Variants in CRACR2A observed in about 807,000 individuals in gnomAD.
The protein encoded by CRACR2A is calcium release activated channel regulator 2A.
Under a neutral mutation model 90.5 loss-of-function variants are expected in CRACR2A, and 79 were observed. The ratio of observed to expected loss-of-function variants is 0.87; its 90% CI spans 0.73 to 1.05. The LOEUF (loss-of-function observed/expected upper bound fraction) is 1.05, where lower values mean the gene tolerates loss of function less well. CRACR2A is among the 50% of genes least tolerant of loss of function. The pLI is 0.00. For synonymous variants in CRACR2A, 338 were observed against 356.7 expected, an observed-to-expected ratio of 0.95 and a Z score of 0.59; for missense variants, 823 against 897.2, an observed-to-expected ratio of 0.92 and a Z score of 1.06.
chr12:3,707,508 C>T (rs1945945874), intron 3 of CRACR2A, among the ~76,000 whole-genome samples: 1 of 152,196 alleles, frequency 6.6e-6, no homozygotes. Context: ...AAGAACTAAG[C>T]CCTATTATGA....
At chr12:3,671,688 A>T (rs887861460) in intron 7 of CRACR2A, among the ~76,000 whole-genome samples, 4 of 152,176 alleles carry the variant, frequency 2.6e-5, no homozygotes, top group Non-Finnish European at 5.9e-5. Context: ...TTAGCCTCTG[A>T]TTATATTCAG....
At chr12:3,659,480 G>T in intron 8 of CRACR2A, 84 bp downstream of exon 8, 2 of 1,212,756 alleles carry the variant, frequency 1.6e-6, no homozygotes, top group Non-Finnish European at 1.2e-6. Flanking sequence ...GCATGGATGG[G>T]GGCACCAAAA....
intron 10 of CRACR2A, among the ~76,000 whole-genome samples, chr12:3,653,354 G>A (rs1001005103): frequency 1.3e-5 from 2 of 152,134 alleles, no homozygotes; most frequent in African/African-American, 2.4e-5. Context: ...TGCCCAGCAC[G>A]GTACCTAGCA....
chr12:3,703,915 T>C (rs1459529578), intron 3 of CRACR2A, among the ~76,000 whole-genome samples: 2 of 152,350 alleles, frequency 1.3e-5, no homozygotes, highest in East Asian at 3.9e-4. Flanking sequence ...ATTATGAAGA[T>C]TGACTGTACC....
At chr12:3,729,120 C>G (rs1025173637) in intron 2 of CRACR2A, 2 of 152,216 alleles carry the variant, frequency 1.3e-5, no homozygotes, top group Admixed American at 6.5e-5. Context: ...GTCACTCACA[C>G]CGAGCGCAGT....
At chr12:3,647,130 C>T (rs903829567) in intron 11 of CRACR2A, among the ~76,000 whole-genome samples, 4 of 152,088 alleles carry the variant, frequency 2.6e-5, no homozygotes, top group African/African-American at 7.2e-5. Flanking sequence ...CCCCGTCACA[C>T]CCCAGCTGTT....
intron 13 of CRACR2A, among the ~76,000 whole-genome samples, chr12:3,639,321 G>C (rs906127274): frequency 3.9e-5 from 6 of 152,122 alleles, no homozygotes; most frequent in Non-Finnish European, 8.8e-5. Context: ...AGAAGCTGTA[G>C]GCAGTGCAGG....
intron 15 of CRACR2A, among the ~76,000 whole-genome samples, chr12:3,632,437 C>G (rs112513447): frequency 0.023 from 3,525 of 152,278 alleles, 64 homozygotes; most frequent in Non-Finnish European, 0.036. Flanking sequence ...TGAGGTCACA[C>G]AGCTTGTCAG....
intron 1 of CRACR2A, among the ~76,000 whole-genome samples, chr12:3,743,445 G>A (rs111441102): frequency 3.9e-5 from 6 of 152,318 alleles, no homozygotes; most frequent in African/African-American, 1.4e-4. Context: ...TTTTACAGGC[G>A]TGTGGAGAGA....
chr12:3,722,913 G>A (rs539798177), intron 2 of CRACR2A, among the ~76,000 whole-genome samples: 3 of 152,270 alleles, frequency 2.0e-5, no homozygotes, highest in Non-Finnish European at 4.4e-5. Flanking sequence ...GACTAAATAG[G>A]TACTCTTCAT....
intron 10 of CRACR2A, among the ~76,000 whole-genome samples, chr12:3,650,466 T>C (rs1432504655): frequency 1.3e-5 from 2 of 152,180 alleles, no homozygotes; most frequent in Non-Finnish European, 2.9e-5. Flanking sequence ...TTACCAATTA[T>C]ATTTAATTTC....
chr12:3,717,870 G>C (rs111437566), intron 2 of CRACR2A, among the ~76,000 whole-genome samples: 55 of 152,278 alleles, frequency 3.6e-4, no homozygotes, highest in African/African-American at 1.2e-3. Flanking sequence ...CAACTCGGTG[G>C]TGTGGCCTTT....
chr12:3,707,853 C>T (rs1233752056), intron 3 of CRACR2A, among the ~76,000 whole-genome samples: 2 of 152,118 alleles, frequency 1.3e-5, no homozygotes, highest in Non-Finnish European at 2.9e-5. Flanking sequence ...TCTATATATA[C>T]CAGATCTCCT....
chr12:3,668,409 C>T (rs1565482518), intron 7 of CRACR2A, among the ~76,000 whole-genome samples: 1 of 152,092 alleles, frequency 6.6e-6, no homozygotes, highest in Non-Finnish European at 1.5e-5. Context: ...TGAGACGCAC[C>T]GATTTAGACT....
chr12:3,655,729 C>A (rs1017114788), intron 9 of CRACR2A, among the ~76,000 whole-genome samples: 1 of 152,218 alleles, frequency 6.6e-6, no homozygotes, highest in African/African-American at 2.4e-5. Flanking sequence ...GGGCACCACC[C>A]AGCCTGCCTC....
intron 2 of CRACR2A, among the ~76,000 whole-genome samples, chr12:3,721,420 A>AAG (rs1247447362): frequency 2.0e-5 from 3 of 151,430 alleles, no homozygotes; most frequent in East Asian, 1.9e-4. Flanking sequence ...AAGAAAGAAA[A>AAG]AGAGAGAGAG....
At chr12:3,647,304 G>A (rs995514498) in intron 11 of CRACR2A, among the ~76,000 whole-genome samples, 6 of 151,506 alleles carry the variant, frequency 4.0e-5, no homozygotes, top group African/African-American at 1.5e-4. Context: ...TTAGCCATTG[G>A]GGCTTAAGCT....
intron 17 of CRACR2A, among the ~76,000 whole-genome samples, chr12:3,623,205 G>C (rs1278288296): frequency 6.6e-6 from 1 of 152,194 alleles, no homozygotes; most frequent in Non-Finnish European, 1.5e-5. Flanking sequence ...GGGCGCCTTT[G>C]GGAAAGTCAC....
At chr12:3,643,863 A>ACATATAT (rs1555107849) in intron 12 of CRACR2A, among the ~76,000 whole-genome samples, 1 of 90,970 alleles carries the variant, frequency 1.1e-5, no homozygotes, top group African/African-American at 4.1e-5. Context: ...TATTTATATT[A>ACATATAT]TATATATTAT....
Sources: gnomAD v4.1 joint callset for allele counts (sites outside exome capture counted in the v4.1 genomes callset) on GRCh38, gnomAD v4.1.1 for gene constraint, MANE v1.5 for transcripts, NCBI Gene and HGNC (gene_info 2026-07-23, HGNC 2026-07-21) for gene names.